Variants in FAM200B observed in about 807,000 individuals in gnomAD.
FAM200B encodes protein FAM200B.
In FAM200B, 32 loss-of-function variants were observed where a neutral mutation model predicts 33.1. The ratio of observed to expected loss-of-function variants is 0.97; its 90% CI spans 0.73 to 1.30. The LOEUF (loss-of-function observed/expected upper bound fraction) is 1.30. FAM200B is among the 50% of genes most tolerant of loss of function. The pLI, the probability that FAM200B is intolerant of heterozygous loss-of-function variation, is 0.00. For synonymous variants in FAM200B, 240 were observed against 264.8 expected (o/e 0.91, Z 0.91); for missense variants, 741 against 754.0 (o/e 0.98, Z 0.20).
the FAM200B span, among the ~76,000 whole-genome samples, chr4:15,652,831 C>A: frequency 1.3e-5 from 2 of 152,080 alleles, no homozygotes; most frequent in Non-Finnish European, 2.9e-5. Flanking sequence ...CTATTTTGTA[C>A]CTTTTTAGTC....
At chr4:15,665,440 T>C in the FAM200B span, among the ~76,000 whole-genome samples, 2 of 152,190 alleles carry the variant, frequency 1.3e-5, no homozygotes, top group African/African-American at 4.8e-5. Flanking sequence ...TAGGATGGTC[T>C]ACCTTGCAGG....
the FAM200B span, among the ~76,000 whole-genome samples, chr4:15,671,883 C>G: frequency 2.0e-5 from 3 of 152,192 alleles, no homozygotes; most frequent in South Asian, 4.1e-4. Flanking sequence ...CAGTTTTCAT[C>G]TCTAGAAGTT....
At chr4:15,667,002 A>C in the FAM200B span, among the ~76,000 whole-genome samples, 1 of 152,178 alleles carries the variant, frequency 6.6e-6, no homozygotes, top group East Asian at 1.9e-4. Flanking sequence ...ATTATCAATC[A>C]AAATAATCGT....
the FAM200B span, among the ~76,000 whole-genome samples, chr4:15,641,108 CTA>C: frequency 2.0e-5 from 3 of 151,944 alleles, no homozygotes; most frequent in African/African-American, 4.8e-5. Flanking sequence ...CATAAAAAGT[CTA>C]AAAATAGCAC....
the FAM200B span, among the ~76,000 whole-genome samples, chr4:15,650,541 G>A: frequency 6.6e-6 from 1 of 151,392 alleles, no homozygotes; most frequent in East Asian, 1.9e-4. Flanking sequence ...GACCTATAAA[G>A]TTATATACTC....
chr4:15,666,735 G>C, the FAM200B span, among the ~76,000 whole-genome samples: 50 of 152,132 alleles, frequency 3.3e-4, no homozygotes, highest in Non-Finnish European at 5.6e-4. Context: ...GGGAGGCTGA[G>C]GCTTGAGCCT....
the FAM200B span, among the ~76,000 whole-genome samples, chr4:15,637,596 A>T: frequency 6.6e-6 from 1 of 152,316 alleles, no homozygotes; most frequent in East Asian, 1.9e-4. Context: ...ATAAAATGTA[A>T]TAAGTGTGAT....
the FAM200B span, among the ~76,000 whole-genome samples, chr4:15,662,295 G>A: frequency 2.7e-5 from 4 of 150,372 alleles, no homozygotes; most frequent in East Asian, 7.7e-4. Flanking sequence ...ACTCTAGAGG[G>A]TAGTCTTCAT....
At chr4:15,654,214 AT>A in the FAM200B span, among the ~76,000 whole-genome samples, 8 of 152,180 alleles carry the variant, frequency 5.3e-5, no homozygotes, top group Non-Finnish European at 8.8e-5. Context: ...CTAAAAGTTG[AT>A]TTCTATGCTT....
chr4:15,679,334 G>A (rs868399220), upstream of FAM200B, among the ~76,000 whole-genome samples: 4 of 151,952 alleles, frequency 2.6e-5, no homozygotes, highest in South Asian at 8.3e-4. Flanking sequence ...TTACAGGTGT[G>A]AGCCACCATG....
chr4:15,637,685 T>C, the FAM200B span, among the ~76,000 whole-genome samples: 1 of 152,182 alleles, frequency 6.6e-6, no homozygotes, highest in Non-Finnish European at 1.5e-5. Flanking sequence ...ACAAGCTACA[T>C]TTCATAGTAA....
chr4:15,657,880 G>C, the FAM200B span, among the ~76,000 whole-genome samples: 1 of 152,164 alleles, frequency 6.6e-6, no homozygotes, highest in Non-Finnish European at 1.5e-5. Flanking sequence ...CTCTCTGTGA[G>C]ACCTTTTTGG....
the FAM200B span, chr4:15,655,198 C>G: frequency 4.0e-4 from 556 of 1,405,324 alleles, 5 homozygotes; most frequent in East Asian, 0.011. Context: ...CTCAGCGCTC[C>G]GTTACCTTGT....
the FAM200B span, among the ~76,000 whole-genome samples, chr4:15,658,314 A>G: frequency 2.6e-5 from 4 of 152,374 alleles, no homozygotes; most frequent in South Asian, 2.1e-4. Flanking sequence ...AAAATAGTCA[A>G]TCAACAACTG....
rs1266664216 is a variant in FAM200B, at chr4:15,690,038, A to G, written c.*1087A>G. The G allele has an allele frequency of 6.0e-6, 1 of 167,144 alleles. No homozygotes were observed. Among genetic ancestry groups the G allele is most frequent in the Admixed American group, 6.5e-5 (1 of 15,290 alleles). The allele number at this position is 167,144 out of a possible 1,614,324, so 10.4% of individuals were successfully genotyped here. ...ACATTTGCTAAAGAATAAATGAATC[A>G]ATAATACCTAACATCTCTAATTTGC... On this transcript the variant is annotated 3_prime_UTR_variant, in exon 2 of 2. Coordinates refer to ENST00000422728, the MANE Select transcript of FAM200B (RefSeq NM_001145191.2).
the FAM200B span, chr4:15,638,457 T>C: frequency 7.4e-7 from 1 of 1,348,756 alleles, no homozygotes; most frequent in Non-Finnish European, 9.9e-7. Flanking sequence ...ATCAGTAAGA[T>C]GTCAATGACC....
chr4:15,660,945 C>A, the FAM200B span, among the ~76,000 whole-genome samples: 15,896 of 152,034 alleles, frequency 0.1, 1,101 homozygotes, highest in Non-Finnish European at 0.15. Context: ...GGCATGGTGG[C>A]ACACGCCTGT....
At chr4:15,656,047 C>G in the FAM200B span, among the ~76,000 whole-genome samples, 1 of 152,238 alleles carries the variant, frequency 6.6e-6, no homozygotes, top group Non-Finnish European at 1.5e-5. Flanking sequence ...GGGGGAAAAA[C>G]AGTATCTGGG....
At chr4:15,644,141 T>C in the FAM200B span, among the ~76,000 whole-genome samples, 1 of 152,364 alleles carries the variant, frequency 6.6e-6, no homozygotes, top group South Asian at 2.1e-4. Context: ...TCCTTCAATA[T>C]GTTACTATCC....
Sources: allele counts gnomAD v4.1 joint callset (sites outside exome capture counted in the v4.1 genomes callset), GRCh38; gene constraint gnomAD v4.1.1; transcripts MANE v1.5; gene names NCBI Gene and HGNC (gene_info 2026-07-23, HGNC 2026-07-21).